The following TAF4 variants were observed in gnomAD, a reference collection of about 807,000 sequenced individuals.
TAF4 encodes the protein transcription initiation factor TFIID subunit 4.
TAF4 carries 9 observed loss-of-function variants against 90.3 expected under a neutral mutation model. The ratio of observed to expected loss-of-function variants is 0.10; its 90% CI spans 0.06 to 0.17. The LOEUF is 0.17. TAF4 is among the 10% of genes least tolerant of loss of function. The pLI is 1.00. For synonymous variants in TAF4, 818 were observed against 638.9 expected, an observed-to-expected ratio of 1.28 and a Z score of -4.23; for missense variants, 1,351 against 1,370.7, an observed-to-expected ratio of 0.99 and a Z score of 0.23.
intron 1 of TAF4, among the ~76,000 whole-genome samples, chr20:62,046,798 T>C (rs6142934): frequency 0.098 from 14,990 of 152,240 alleles, 1,201 homozygotes; most frequent in East Asian, 0.44. Flanking sequence ...AGCATCCCAC[T>C]GGGGTTTCAT....
chr20:62,019,262 G>A (rs892021283), intron 1 of TAF4, among the ~76,000 whole-genome samples: 62 of 152,320 alleles, frequency 4.1e-4, no homozygotes, highest in East Asian at 1.7e-3. Context: ...AGTGTGCACC[G>A]TGCACTTGGA....
At chr20:61,991,896 G>A (rs556640403) in intron 14 of TAF4, among the ~76,000 whole-genome samples, 7 of 152,142 alleles carry the variant, frequency 4.6e-5, no homozygotes, top group East Asian at 1.9e-4. Context: ...AGAAAAACAC[G>A]TGGCCTACAG....
intron 1 of TAF4, among the ~76,000 whole-genome samples, chr20:62,061,273 A>G (rs1449420406): frequency 6.6e-6 from 1 of 152,206 alleles, no homozygotes; most frequent in African/African-American, 2.4e-5. Context: ...GCTAGTGGAC[A>G]TTTTCCCCCT....
At chr20:62,019,591 G>C (rs2123158999) in intron 1 of TAF4, among the ~76,000 whole-genome samples, 1 of 152,308 alleles carries the variant, frequency 6.6e-6, no homozygotes, top group Admixed American at 6.5e-5. Flanking sequence ...ACGCCTCCCT[G>C]GGGAAGGAGC....
intron 1 of TAF4, among the ~76,000 whole-genome samples, chr20:62,058,917 G>A (rs1330929977): frequency 9.6e-6 from 1 of 103,932 alleles, no homozygotes; most frequent in African/African-American, 4.0e-5. Context: ...TGGGGCTCGG[G>A]GGCCAACCTC....
chr20:62,001,557 G>T (rs1390920070), intron 9 of TAF4, among the ~76,000 whole-genome samples: 2 of 152,130 alleles, frequency 1.3e-5, no homozygotes, highest in East Asian at 3.9e-4. Flanking sequence ...TGAGGCCGGG[G>T]GCCTGCCTGG....
rs979313870 is a variant in TAF4, at chr20:62,062,008, G to A, written c.1360+2443C>T. 4.6e-5 allele frequency among the ~76,000 whole-genome samples: 7 copies of A among 152,146 alleles called. No homozygotes were observed. In the East Asian group the frequency reaches 1.3e-3, roughly 29 times the overall value. ...CCCTTCTCCCACCCAAGACCTCCAC[G>A]GAGGGAAGGCTGGGAAGGGCAGGCC... On this transcript the variant is annotated intron_variant, in intron 1 of 14. Transcript: ENST00000252996.
rs374163661 is a variant in TAF4 at position 62,024,170 on chromosome 20, C to A, written c.1361-9463G>T. Among the ~76,000 whole-genome samples the A allele has an allele frequency of 3.3e-5, 5 of 152,274 alleles. 1 individual carries two copies. The highest frequency in any genetic ancestry group is 1.2e-4 in the African/African-American group (5 of 41,550). On this transcript the variant is annotated intron_variant, in intron 1 of 14. Transcript: ENST00000252996. ...CAGAGTCCACAAGCAGGCCCACACG[C>A]GGATGGACAAAGGCAATTCAGTGGT...
rs2055774294 is a variant in TAF4 at position 62,010,895 on chromosome 20, T to C, written c.1642-730A>G. On this transcript the variant is annotated intron_variant, in intron 3 of 14. Transcript: ENST00000252996. This position sits in a 1 kb window ranked among gnomAD's most constrained non-coding sequence, Gnocchi z 4.5. ...TTCCATTCTACATGAATAATCAGAATGCAAATGTTTACTGATATTTTAAAC... is the reference window on the plus strand; with the variant it reads ...TTCCATTCTACATGAATAATCAGAACGCAAATGTTTACTGATATTTTAAAC... Among the ~76,000 whole-genome samples the C allele has an allele frequency of 6.6e-6, 1 of 152,268 alleles. No homozygotes were observed. Among genetic ancestry groups the C allele is most frequent in the Non-Finnish European group, 1.5e-5 (1 of 68,050 alleles).
At chr20:62,016,319 G>T (rs911516819) in intron 1 of TAF4, among the ~76,000 whole-genome samples, 13 of 152,258 alleles carry the variant, frequency 8.5e-5, no homozygotes, top group African/African-American at 3.1e-4. Context: ...TGAGGGTGTT[G>T]CCAAAGAAGG....
At chr20:62,000,035 T>G in intron 11 of TAF4, 89 bp downstream of exon 11, 1 of 1,577,454 alleles carries the variant, frequency 6.3e-7, no homozygotes, top group Non-Finnish European at 8.7e-7. Flanking sequence ...CCCACCGCCC[T>G]CTGCCTCGGT....
intron 10 of TAF4, 43 bp downstream of exon 10, chr20:62,000,509 C>A: frequency 1.3e-6 from 2 of 1,590,156 alleles, no homozygotes; most frequent in Non-Finnish European, 1.7e-6. Flanking sequence ...GCCCCAGCAG[C>A]GCAGCTGTTT....
At chr20:62,001,771 G>A (rs562296283) in intron 9 of TAF4, among the ~76,000 whole-genome samples, 1 of 152,290 alleles carries the variant, frequency 6.6e-6, no homozygotes, top group South Asian at 2.1e-4. Flanking sequence ...TCCACGTCAT[G>A]CCCATGTCCA....
intron 12 of TAF4, among the ~76,000 whole-genome samples, chr20:61,998,615 G>A (rs978135406): frequency 3.3e-5 from 5 of 152,188 alleles, no homozygotes; most frequent in South Asian, 2.1e-4. Context: ...GTGGTCTCCT[G>A]TCTGATTCTA....
intron 1 of TAF4, among the ~76,000 whole-genome samples, chr20:62,016,390 T>C (rs898556463): frequency 1.3e-5 from 2 of 152,174 alleles, no homozygotes; most frequent in African/African-American, 4.8e-5. Flanking sequence ...CTGGGCACCA[T>C]CTAATCAGCT....
intron 14 of TAF4, among the ~76,000 whole-genome samples, chr20:61,983,436 G>C (rs1820868670): frequency 6.6e-6 from 1 of 152,180 alleles, no homozygotes. Context: ...CAAGGCAGGA[G>C]GATTCCCTGA....
chr20:62,064,210 C>A (rs1476044963), intron 1 of TAF4: 2 of 409,442 alleles, frequency 4.9e-6, no homozygotes, highest in African/African-American at 2.1e-5. Flanking sequence ...CAGGCACAGG[C>A]AGCCAGCGCG....
chr20:62,000,343 T>A (rs1274846597), intron 10 of TAF4, 89 bp from the exon 11 acceptor site: 1 of 1,540,830 alleles, frequency 6.5e-7, no homozygotes, highest in Non-Finnish European at 8.8e-7. Flanking sequence ...AGTTACTGCT[T>A]TTATACAACC....
intron 14 of TAF4, among the ~76,000 whole-genome samples, chr20:61,982,143 T>G (rs201547849): frequency 1.3e-3 from 41 of 30,478 alleles, no homozygotes; most frequent in Middle Eastern, 0.022. Flanking sequence ...ATACCCACCC[T>G]AGAAGAGACA....
Sources: allele counts gnomAD v4.1 joint callset (sites outside exome capture counted in the v4.1 genomes callset), GRCh38; gene constraint gnomAD v4.1.1; non-coding constraint Gnocchi (gnomAD v3.1); transcripts MANE v1.5; gene names NCBI Gene and HGNC (gene_info 2026-07-23, HGNC 2026-07-21).